The following C13orf46 variants were observed in gnomAD, a reference collection of about 807,000 sequenced individuals.
C13orf46 encodes chromosome 13 open reading frame 46.
chr13:113,970,560 T>C (rs1384352831), intron 1 of C13orf46, among the ~76,000 whole-genome samples: 1 of 152,108 alleles, frequency 6.6e-6, no homozygotes, highest in Non-Finnish European at 1.5e-5. Context: ...AACTCCTCTT[T>C]GTCCTAGCAC....
the C13orf46 span, among the ~76,000 whole-genome samples, chr13:113,939,601 C>T: frequency 1.3e-5 from 2 of 152,218 alleles, no homozygotes; most frequent in African/African-American, 2.4e-5. Flanking sequence ...GCAGCCGCCT[C>T]CTCCTGGGCT....
Position 113,955,193 on chromosome 13 carries a change from G to C in C13orf46, c.*1580C>G, listed in dbSNP as rs2052514487. On this transcript the variant is annotated 3_prime_UTR_variant, in exon 7 of 7. Coordinates refer to ENST00000636427, the MANE Select transcript of C13orf46 (RefSeq NM_001365455.2). ...AGGAGGAGCATCTGGTGGAGAGGAG[G>C]AGCATCCCGTGGAGACGAGGAGCAT... The C allele has an allele frequency of 4.7e-6, 1 of 211,006 alleles. No homozygotes were observed. The highest frequency in any genetic ancestry group is 2.5e-5 in the African/African-American group (1 of 40,264). The allele number at this position is 211,006 out of a possible 1,614,324, so 13.1% of individuals were successfully genotyped here. A position where few individuals can be genotyped will look rare whatever the true frequency, so the allele number is the denominator to read the frequency against.
At chr13:113,944,594 G>C in the C13orf46 span, among the ~76,000 whole-genome samples, 12 of 131,130 alleles carry the variant, frequency 9.2e-5, no homozygotes, top group East Asian at 5.1e-4. Context: ...GACGGGCTCT[G>C]CAGGTGTGTG....
At chr13:113,963,791 T>A in intron 6 of C13orf46, among the ~76,000 whole-genome samples, 1 of 152,178 alleles carries the variant, frequency 6.6e-6, no homozygotes, top group South Asian at 2.1e-4. Context: ...CATTTCTCTC[T>A]GTTGTGCTAT....
At chr13:113,943,724 G>A in the C13orf46 span, among the ~76,000 whole-genome samples, 6 of 152,178 alleles carry the variant, frequency 3.9e-5, no homozygotes, top group African/African-American at 1.4e-4. Context: ...TTTATTTTTG[G>A]CTTACGCTCT....
intron 1 of C13orf46, 159 bp from the exon 2 acceptor site, chr13:113,970,381 C>T (rs2052691286): frequency 6.6e-6 from 1 of 152,444 alleles, no homozygotes; most frequent in Non-Finnish European, 1.5e-5. Flanking sequence ...ATGCCCGGCC[C>T]TCCGGTATTT....
chr13:113,966,641 T>C (rs2052652986), intron 5 of C13orf46, among the ~76,000 whole-genome samples: 1 of 151,834 alleles, frequency 6.6e-6, no homozygotes, highest in African/African-American at 2.4e-5. Context: ...ATGATGATGA[T>C]GCTGCTGATG....
the C13orf46 span, among the ~76,000 whole-genome samples, chr13:113,935,183 T>C: frequency 1.3e-5 from 2 of 152,228 alleles, no homozygotes; most frequent in Non-Finnish European, 2.9e-5. Context: ...GCCGCCTTCC[T>C]GAGGCCTCAG....
intron 2 of C13orf46, among the ~76,000 whole-genome samples, 183 bp from the exon 3 acceptor site, chr13:113,968,943 C>T (rs956474148): frequency 3.3e-5 from 5 of 152,234 alleles, no homozygotes; most frequent in South Asian, 2.1e-4. Context: ...GCCTGGCCCT[C>T]CTGGCTCCCT....
At chr13:113,947,317 C>G in the C13orf46 span, among the ~76,000 whole-genome samples, 2 of 152,286 alleles carry the variant, frequency 1.3e-5, no homozygotes, top group East Asian at 3.9e-4. Context: ...ATACTGGCTG[C>G]TGCCAGGGCA....
the C13orf46 span, chr13:113,927,247 CAGTG>C: frequency 3.3e-6 from 1 of 301,848 alleles, no homozygotes; most frequent in African/African-American, 2.1e-5. Context: ...GAGCTCTGGT[CAGTG>C]AAACTCTCAG....
At chr13:113,973,615 G>A (rs957374479) in intron 1 of C13orf46, among the ~76,000 whole-genome samples, 193 bp downstream of exon 1, 1 of 152,160 alleles carries the variant, frequency 6.6e-6, no homozygotes, top group African/African-American at 2.4e-5. Flanking sequence ...CCCCTGCAAT[G>A]TATGACGTCA....
At chr13:113,941,755 A>C in the C13orf46 span, among the ~76,000 whole-genome samples, 1 of 152,206 alleles carries the variant, frequency 6.6e-6, no homozygotes, top group Non-Finnish European at 1.5e-5. Flanking sequence ...CCCACCCAGA[A>C]GGCAGCTGCG....
intron 5 of C13orf46, among the ~76,000 whole-genome samples, chr13:113,966,235 T>C (rs1177996023): frequency 6.7e-6 from 1 of 149,602 alleles, no homozygotes; most frequent in African/African-American, 2.5e-5. Flanking sequence ...ATGATGGGGA[T>C]AGCGATAGTG....
chr13:113,942,013 C>A, the C13orf46 span, among the ~76,000 whole-genome samples: 1 of 152,228 alleles, frequency 6.6e-6, no homozygotes, highest in African/African-American at 2.4e-5. Flanking sequence ...CGGAGGCTCA[C>A]CCCCAGATTT....
chr13:113,952,441 C>T (rs2052493142), downstream of C13orf46, among the ~76,000 whole-genome samples: 1 of 152,204 alleles, frequency 6.6e-6, no homozygotes, highest in African/African-American at 2.4e-5. Context: ...GGCTGGGTTC[C>T]AAGGGGGCCA....
the C13orf46 span, among the ~76,000 whole-genome samples, chr13:113,938,200 T>G: frequency 6.6e-6 from 1 of 152,206 alleles, no homozygotes; most frequent in African/African-American, 2.4e-5. Context: ...TAAAAGGACT[T>G]GCTCCTCAGA....
chr13:113,973,430 C>T (rs9805737), intron 1 of C13orf46, among the ~76,000 whole-genome samples: 1,743 of 152,260 alleles, frequency 0.011, 26 homozygotes, highest in African/African-American at 0.04. Flanking sequence ...AAGTGACTCT[C>T]CCTCTAGTCC....
At chr13:113,970,471 C>T (rs891138292) in intron 1 of C13orf46, 2 of 152,362 alleles carry the variant, frequency 1.3e-5, no homozygotes, top group South Asian at 2.1e-4. Context: ...ACCTGGGCTC[C>T]ACCTTCTCCC....
Sources: allele counts gnomAD v4.1 joint callset (sites outside exome capture counted in the v4.1 genomes callset), GRCh38; gene constraint gnomAD v4.1.1; transcripts MANE v1.5; gene names NCBI Gene and HGNC (gene_info 2026-07-23, HGNC 2026-07-21).